The following GBP6 variants were observed in gnomAD, a reference collection of about 807,000 sequenced individuals.
GBP6 encodes guanylate binding protein family member 6.
A neutral mutation model predicts 61.5 loss-of-function variants in GBP6; 54 were observed. The observed-to-expected ratio is 0.88, with a 90% CI of 0.71 to 1.10. GBP6 has a LOEUF of 1.10. Ranked by LOEUF, GBP6 falls within the 50% of genes least tolerant of loss-of-function variation. The probability of loss-of-function intolerance (pLI) is 0.00; values close to 1 mark genes in which losing one functional copy is unlikely to be tolerated. For missense variants in GBP6, 748 were observed against 752.8 expected, an observed-to-expected ratio of 0.99 and a Z score of 0.07; for synonymous variants, 255 against 273.7, an observed-to-expected ratio of 0.93 and a Z score of 0.67.
rs746169173 is a variant in GBP6, at chr1:89,382,861, C to T, written c.1350C>T (p.Pro450=). 1 of 1,612,734 alleles carries T rather than the reference C, an allele frequency of 6.2e-7. No individual in the cohort carries two copies. Among genetic ancestry groups the T allele is most frequent in the Admixed American group, 1.7e-5 (1 of 59,994 alleles). The stretch of plus-strand genomic sequence containing the variant: ...TTGAACAGGACTATTGGCAAGTTCC[C>T]AGGAAAGGAGTAAAGGTAAGGAATA... ...ERIEQDYWQV[P]RKGVKAKEVF... Residue 450 remains proline (P), a synonymous_variant, in exon 8 of 11, where the codon CCC becomes CCT. Transcript: ENST00000370456.
At chr1:89,379,349 G>C (rs1282583984) in intron 5 of GBP6, among the ~76,000 whole-genome samples, 1 of 4,606 alleles carries the variant, frequency 2.2e-4, no homozygotes, top group Non-Finnish European at 3.2e-4. Context: ...CCAACATTGG[G>C]GGGGGGGGGT....
intron 6 of GBP6, among the ~76,000 whole-genome samples, chr1:89,381,162 G>A (rs949143749): frequency 6.7e-6 from 1 of 149,164 alleles, no homozygotes; most frequent in Admixed American, 6.8e-5. Flanking sequence ...GCACATACTT[G>A]TATTCCCAGC....
chr1:89,375,071 C>T (rs759874788), intron 3 of GBP6, among the ~76,000 whole-genome samples: 4 of 152,076 alleles, frequency 2.6e-5, no homozygotes, highest in Non-Finnish European at 4.4e-5. Context: ...GCCCTCCAGG[C>T]CCATCCATGT....
In GBP6 at chr1:89,385,535, C is replaced by T; in HGVS notation, c.*66C>T. On this transcript the variant is annotated 3_prime_UTR_variant, in exon 11 of 11. Coordinates refer to ENST00000370456, the MANE Select transcript of GBP6 (RefSeq NM_198460.3). ...GATCTGTATGTTTTTCATTTTCATT[C>T]AGCAAGTTTTTTTTTTTTTTCAGAG... 1 of 1,391,304 alleles carries T rather than the reference C, an allele frequency of 7.2e-7. No individual in the cohort carries two copies. The allele number at this position is 1,391,304 out of a possible 1,614,324, so 86.2% of individuals were successfully genotyped here. A position where few individuals can be genotyped will look rare whatever the true frequency, so the allele number is the denominator to read the frequency against.
At position 89,382,840 on chromosome 1, in the gene GBP6, A is replaced by C. The variant is rs138122124; in HGVS notation, c.1329A>C (p.Glu443Asp). Residue 443 changes from glutamate to aspartate, a missense_variant, in exon 8 of 11, where the codon GAA becomes GAC. Transcript: ENST00000370456. ...ACATGGAAACAAAGGAAAGGATTGA[A>C]CAGGACTATTGGCAAGTTCCCAGGA... ...KLYMETKERI[E>D]QDYWQVPRKG... 8.0e-5 allele frequency: 129 copies of C among 1,613,990 alleles called. No homozygotes were observed. Among genetic ancestry groups the C allele is most frequent in the Non-Finnish European group, 1.0e-4 (122 of 1,179,956 alleles).
intron 3 of GBP6, among the ~76,000 whole-genome samples, chr1:89,375,893 T>A (rs1019080428): frequency 4.6e-5 from 7 of 152,236 alleles, no homozygotes; most frequent in African/African-American, 1.7e-4. Context: ...CATATCTTTT[T>A]TTTCCCCTTC....
chr1:89,365,588 T>C (rs1277373027), intron 1 of GBP6, among the ~76,000 whole-genome samples: 1 of 152,278 alleles, frequency 6.6e-6, no homozygotes, highest in African/African-American at 2.4e-5. Flanking sequence ...TTATAGTTTG[T>C]ATATTTTGTT....
At chr1:89,374,391 A>G (rs1355677672) in intron 3 of GBP6, among the ~76,000 whole-genome samples, 2 of 152,216 alleles carry the variant, frequency 1.3e-5, no homozygotes, top group South Asian at 2.1e-4. Flanking sequence ...AAATATAAAT[A>G]TGAAAGTACA....
rs113918167 is a variant in GBP6, at chr1:89,383,633, C to G, written c.1366-19C>G. On this transcript the variant is annotated intron_variant, in intron 8 of 10. Coordinates refer to ENST00000370456, the MANE Select transcript of GBP6 (RefSeq NM_198460.3). ...ATAGATTTTCAAAGAAATCTAAGTG[C>G]TTTTTCTTCCTTCCATAGGCAAAAG... 9.4e-5 allele frequency: 144 copies of G among 1,529,674 alleles called. No individual in the cohort carries two copies. The African/African-American group carries it at 1.6e-3, about 17-fold the overall frequency. The allele number at this position is 1,529,674 out of a possible 1,614,324, so 94.8% of individuals were successfully genotyped here.
At chr1:89,373,073 A>G (rs1570463703) in intron 3 of GBP6, among the ~76,000 whole-genome samples, 1 of 152,370 alleles carries the variant, frequency 6.6e-6, no homozygotes, top group African/African-American at 2.4e-5. Context: ...AACGCTCATC[A>G]TCACTGGCCA....
chr1:89,369,565 G>C lies in GBP6; in HGVS notation c.210G>C (p.Thr70=). ...GQNHGFPLGS[T]VQSETKGIWM... is the part of the protein sequence containing the mutation. The stretch of plus-strand genomic sequence containing the variant: ...CTGCAGGCTTCCCTCTGGGCTCCAC[G>C]GTGCAGTCTGAAACCAAGGGCATCT... Residue 70 remains threonine (T), a synonymous_variant, in exon 3 of 11, where the codon ACG becomes ACC. Coordinates refer to ENST00000370456, the MANE Select transcript of GBP6 (RefSeq NM_198460.3). 6.2e-7 allele frequency: 1 copy of C among 1,613,906 alleles called. No individual in the cohort carries two copies. The highest frequency in any genetic ancestry group is 8.5e-7 in the Non-Finnish European group (1 of 1,179,874).
chr1:89,373,586 G>A lies in GBP6; in HGVS notation c.318+3913G>A, dbSNP rs551424007. Among the ~76,000 whole-genome samples, 14 of 152,198 alleles carry A rather than the reference G, an allele frequency of 9.2e-5. No homozygotes were observed. The East Asian group carries it at 2.5e-3, about 27-fold the overall frequency. On this transcript the variant is annotated intron_variant, in intron 3 of 10. Coordinates refer to ENST00000370456, the MANE Select transcript of GBP6 (RefSeq NM_198460.3). ...AAGGACAAAAAACCAAACACCACAT[G>A]TTCTCACTCATAGGTGGGAATTGAA...
rs1653122867 is a variant in GBP6, at chr1:89,385,646, G to A, written c.*177G>A. 3.4e-6 allele frequency: 2 copies of A among 580,944 alleles called. No individual in the cohort carries two copies. The highest frequency in any genetic ancestry group is 3.0e-6 in the Non-Finnish European group (1 of 337,908). The allele number at this position is 580,944 out of a possible 1,614,324, so 36.0% of individuals were successfully genotyped here. ...CCTCCTGGGTTCAAGAGATTCACCT[G>A]CCTCAGCCCCCTAGTAGCTGGGATT... On this transcript the variant is annotated 3_prime_UTR_variant, in exon 11 of 11. Coordinates refer to ENST00000370456, the MANE Select transcript of GBP6 (RefSeq NM_198460.3).
intron 9 of GBP6, 138 bp from the exon 10 acceptor site, chr1:89,383,955 G>C (rs1653060514): frequency 1.1e-6 from 1 of 910,792 alleles, no homozygotes; most frequent in Non-Finnish European, 1.6e-6. Flanking sequence ...TCTCAAATGC[G>C]CTCTTAATGG....
At chr1:89,379,386 G>C (rs558451920) in intron 5 of GBP6, among the ~76,000 whole-genome samples, 2 of 152,050 alleles carry the variant, frequency 1.3e-5, no homozygotes, top group South Asian at 4.2e-4. Context: ...ATTTGGAGGG[G>C]ACACACATCC....
rs1034511528 is a variant in GBP6, at chr1:89,387,441, C to CAGAT, written c.*1974_*1977dup. Among the ~76,000 whole-genome samples the CAGAT allele has an allele frequency of 1.6e-3, 237 of 152,298 alleles. No homozygotes were observed. The highest frequency in any genetic ancestry group is 5.4e-3 in the African/African-American group (226 of 41,562). ...TGTAAAGGTAAAGTTTGTTTGAAGACAGATACCTTATTTTTCTGTACATCT... is the reference window on the plus strand; with the variant it reads ...TGTAAAGGTAAAGTTTGTTTGAAGACAGATAGATACCTTATTTTTCTGTACATCT... On this transcript the variant is annotated 3_prime_UTR_variant, in exon 11 of 11. Coordinates refer to ENST00000370456, the MANE Select transcript of GBP6 (RefSeq NM_198460.3).
chr1:89,372,006 C>T (rs1242810528), intron 3 of GBP6, among the ~76,000 whole-genome samples: 1 of 151,864 alleles, frequency 6.6e-6, no homozygotes, highest in African/African-American at 2.4e-5. Flanking sequence ...CACAAGCATT[C>T]TTACACACCA....
At position 89,384,394 on chromosome 1, in the gene GBP6, G is replaced by C. The variant is rs576885731; in HGVS notation, c.1662+108G>C. The stretch of plus-strand genomic sequence containing the variant: ...CATGAAAGGAAGCACATCACCATTT[G>C]CTGCTTGGCAATCACTAAAAGCCCT... On this transcript the variant is annotated intron_variant, in intron 10 of 10. Transcript: ENST00000370456. The C allele has an allele frequency of 1.4e-5, 12 of 836,772 alleles. 1 individual carries two copies. The South Asian group carries it at 2.3e-4, about 16-fold the overall frequency. 51.8% of individuals were successfully genotyped at this position (836,772 alleles called of 1,614,324 possible). A position where few individuals can be genotyped will look rare whatever the true frequency, so the allele number is the denominator to read the frequency against.
At position 89,368,620 on chromosome 1, in the gene GBP6, G is replaced by A; in HGVS notation, c.69G>A (p.Val23=). Residue 23 remains valine (V), a synonymous_variant, in exon 2 of 11, where the codon GTG becomes GTA. Transcript: ENST00000370456. ...AAAATAACAATGAGCAGCTATTGGTGAACCAGCAAGCTATACAGATTCTTG... is the reference window on the plus strand; with the variant it reads ...AAAATAACAATGAGCAGCTATTGGTAAACCAGCAAGCTATACAGATTCTTG... The part of the protein sequence containing the change: ...LVENNNEQLL[V]NQQAIQILEK... 1 of 1,614,186 alleles carries A rather than the reference G, an allele frequency of 6.2e-7. No homozygotes were observed. Among genetic ancestry groups the A allele is most frequent in the Non-Finnish European group, 8.5e-7 (1 of 1,180,018 alleles).
Sources: gnomAD v4.1 joint callset for allele counts (sites outside exome capture counted in the v4.1 genomes callset) on GRCh38, gnomAD v4.1.1 for gene constraint, MANE v1.5 for transcripts, NCBI Gene and HGNC (gene_info 2026-07-23, HGNC 2026-07-21) for gene names.